Variants in RARB observed in about 807,000 individuals in gnomAD.
The protein encoded by RARB is retinoic acid receptor beta.
A neutral mutation model predicts 51.9 loss-of-function variants in RARB; 17 were observed. That is an observed-to-expected ratio of 0.33 (90% CI 0.22 to 0.49). The LOEUF is 0.49. Among genes scored for constraint, RARB ranks in the 20% least tolerant of loss-of-function variants. RARB has a pLI of 0.99. For synonymous variants in RARB, 215 were observed against 195.4 expected (o/e 1.10, Z -0.84); for missense variants, 369 against 550.8 (o/e 0.67, Z 3.30).
intron 2 of RARB, among the ~76,000 whole-genome samples, chr3:24,987,201 CCTG>C (rs923607900): frequency 2.6e-5 from 4 of 152,082 alleles, no homozygotes; most frequent in African/African-American, 9.6e-5. Flanking sequence ...AACTTAATCA[CCTG>C]CTATTTCTTT....
intron 2 of RARB, among the ~76,000 whole-genome samples, chr3:24,896,621 A>G (rs1243618803): frequency 6.6e-6 from 1 of 152,170 alleles, no homozygotes; most frequent in Non-Finnish European, 1.5e-5. Flanking sequence ...TGGTTCCATA[A>G]CATCATGGAT....
intron 5 of RARB, among the ~76,000 whole-genome samples, chr3:25,385,329 C>G (rs1011865720): frequency 4.6e-5 from 7 of 152,160 alleles, no homozygotes; most frequent in South Asian, 2.1e-4. Flanking sequence ...CGTGTTTGGT[C>G]TCTGGATCCT....
At chr3:25,099,357 G>T (rs192849009) in intron 3 of RARB, among the ~76,000 whole-genome samples, 44 of 152,122 alleles carry the variant, frequency 2.9e-4, no homozygotes, top group African/African-American at 9.9e-4. Flanking sequence ...GAAAGGGGAG[G>T]GCTAGATTGT....
intron 3 of RARB, among the ~76,000 whole-genome samples, chr3:25,068,361 G>A (rs1183318917): frequency 2.0e-5 from 3 of 151,684 alleles, no homozygotes; most frequent in African/African-American, 7.3e-5. Context: ...AGTTGCAGAA[G>A]TTAAGAATCA....
chr3:24,932,036 G>C (rs1349384024), intron 2 of RARB, among the ~76,000 whole-genome samples: 1 of 151,994 alleles, frequency 6.6e-6, no homozygotes, highest in African/African-American at 2.4e-5. Context: ...TCCATCTTTG[G>C]ATACCTTTGA....
At chr3:24,894,447 A>C (rs911640158) in intron 2 of RARB, among the ~76,000 whole-genome samples, 1 of 152,042 alleles carries the variant, frequency 6.6e-6, no homozygotes. Flanking sequence ...ACATGATTTT[A>C]TTCTTCTTTA....
At chr3:24,988,593 A>G (rs919697803) in intron 2 of RARB, among the ~76,000 whole-genome samples, 7 of 152,034 alleles carry the variant, frequency 4.6e-5, no homozygotes, top group Admixed American at 1.3e-4. Context: ...ATAGATTATA[A>G]AAAAAATAGT....
rs116311876 is a variant in RARB at position 25,565,004 on chromosome 3, C to A, written c.449-4754C>A. ...CTCCCCACCCACCATCCCATAGCATCCCTCAATTTACCCTCCCAATTCCCC... is the reference window on the plus strand; with the variant it reads ...CTCCCCACCCACCATCCCATAGCATACCTCAATTTACCCTCCCAATTCCCC... On this transcript the variant is annotated intron_variant, in intron 3 of 7. Coordinates refer to ENST00000330688, the MANE Select transcript of RARB (RefSeq NM_000965.5). Among the ~76,000 whole-genome samples, 1,506 of 152,240 alleles carry A rather than the reference C, an allele frequency of 9.9e-3. 10 individuals carry two copies. The highest frequency in any genetic ancestry group is 0.041 in the Middle Eastern group (12 of 294).
At chr3:24,947,956 T>C (rs1029676907) in intron 2 of RARB, among the ~76,000 whole-genome samples, 12 of 152,140 alleles carry the variant, frequency 7.9e-5, no homozygotes, top group Admixed American at 5.2e-4. Context: ...TTTTTTTTTT[T>C]CAGGAAGTGG....
chr3:25,085,051 T>C (rs971499387), intron 3 of RARB, among the ~76,000 whole-genome samples: 14 of 152,152 alleles, frequency 9.2e-5, no homozygotes, highest in African/African-American at 2.9e-4. Context: ...AAGCTATAGA[T>C]TAATAGGATC....
intron 5 of RARB, among the ~76,000 whole-genome samples, chr3:25,412,552 G>A (rs1183843792): frequency 1.3e-5 from 2 of 152,146 alleles, no homozygotes; most frequent in Non-Finnish European, 2.9e-5. Context: ...GAACAATTGA[G>A]AGTTTGCTTG....
chr3:24,963,799 T>G (rs1024511917), intron 2 of RARB, among the ~76,000 whole-genome samples: 1 of 152,138 alleles, frequency 6.6e-6, no homozygotes, highest in African/African-American at 2.4e-5. Context: ...AATAAGTGTC[T>G]TCTTTTCCAA....
At chr3:25,089,209 C>T (rs1699153911) in intron 3 of RARB, among the ~76,000 whole-genome samples, 1 of 151,228 alleles carries the variant, frequency 6.6e-6, no homozygotes, top group Non-Finnish European at 1.5e-5. Flanking sequence ...TTTTGGTTTT[C>T]CTCCATAAAA....
At chr3:25,278,058 T>C (rs1257882526) in intron 5 of RARB, among the ~76,000 whole-genome samples, 3 of 152,188 alleles carry the variant, frequency 2.0e-5, no homozygotes, top group Non-Finnish European at 4.4e-5. Context: ...TGCTAGACGA[T>C]ATAGTGCTCA....
chr3:24,851,671 G>C (rs1004585402), intron 1 of RARB, among the ~76,000 whole-genome samples: 2 of 152,166 alleles, frequency 1.3e-5, no homozygotes, highest in African/African-American at 4.8e-5. Flanking sequence ...TTTGATGGTA[G>C]AAAATGATTT....
At chr3:25,212,758 T>C (rs1225094859) in intron 5 of RARB, among the ~76,000 whole-genome samples, 1 of 151,550 alleles carries the variant, frequency 6.6e-6, no homozygotes, top group Non-Finnish European at 1.5e-5. Flanking sequence ...TTTTCCACTT[T>C]TTTTGTGAGT....
At chr3:25,498,162 T>C (rs1697130790) in intron 2 of RARB, among the ~76,000 whole-genome samples, 2 of 152,156 alleles carry the variant, frequency 1.3e-5, no homozygotes, top group African/African-American at 4.8e-5. Context: ...AAGCCAGAGA[T>C]AAATGGTTTC....
chr3:25,427,520 G>A (rs1206465763), upstream of RARB, among the ~76,000 whole-genome samples: 2 of 152,154 alleles, frequency 1.3e-5, no homozygotes, highest in Non-Finnish European at 2.9e-5. Flanking sequence ...TTCAAGTCCA[G>A]ATCTGAAATC....
rs546156308 is a variant in RARB at position 25,556,400 on chromosome 3, CAT to C, written c.449-13357_449-13356del. Among the ~76,000 whole-genome samples, 258 of 152,262 alleles carry C rather than the reference CAT, an allele frequency of 1.7e-3. 2 individuals are homozygous for C. Among genetic ancestry groups the C allele is most frequent in the African/African-American group, 6.0e-3 (249 of 41,558 alleles). On this transcript the variant is annotated intron_variant, in intron 3 of 7. Coordinates refer to ENST00000330688, the MANE Select transcript of RARB (RefSeq NM_000965.5). ...TTTTTAAGATTTTCTTTTAGTAACA[CAT>C]GTGGACTGAGAGTGACCCCTCAATG...
Sources: gnomAD v4.1 joint callset for allele counts (sites outside exome capture counted in the v4.1 genomes callset) on GRCh38, gnomAD v4.1.1 for gene constraint, MANE v1.5 for transcripts, NCBI Gene and HGNC (gene_info 2026-07-23, HGNC 2026-07-21) for gene names.